The following CDH10 variants were observed in gnomAD, a reference collection of about 807,000 sequenced individuals.
CDH10 encodes cadherin 10, also known as cadherin-10.
CDH10 carries 30 observed loss-of-function variants against 73.1 expected under a neutral mutation model. The ratio of observed to expected loss-of-function variants is 0.41; its 90% CI spans 0.31 to 0.56. The LOEUF is 0.56. Ranked by LOEUF, CDH10 falls within the 20% of genes least tolerant of loss-of-function variation. CDH10 has a pLI of 0.27. For synonymous variants in CDH10, 345 were observed against 348.2 expected (o/e 0.99, Z 0.10); for missense variants, 815 against 973.7 (o/e 0.84, Z 2.17).
intron 1 of CDH10, among the ~76,000 whole-genome samples, chr5:24,605,396 A>G (rs898483934): frequency 6.6e-6 from 1 of 152,198 alleles, no homozygotes; most frequent in African/African-American, 2.4e-5. Context: ...TAGGAACTTT[A>G]TTATGAACTG....
intron 2 of CDH10, among the ~76,000 whole-genome samples, chr5:24,588,659 G>A (rs1746097841): frequency 6.6e-6 from 1 of 152,080 alleles, no homozygotes; most frequent in East Asian, 1.9e-4. Flanking sequence ...ATTATCAAAA[G>A]TAAAAGGGAC....
chr5:24,613,919 A>G (rs1356774931), intron 1 of CDH10, among the ~76,000 whole-genome samples: 1 of 152,158 alleles, frequency 6.6e-6, no homozygotes, highest in East Asian at 1.9e-4. Context: ...GCATTCATTT[A>G]AGAATGGGAC....
chr5:24,602,234 T>C (rs1746591194), intron 1 of CDH10, among the ~76,000 whole-genome samples: 1 of 152,152 alleles, frequency 6.6e-6, no homozygotes, highest in Non-Finnish European at 1.5e-5. Context: ...ACATTAGTCC[T>C]TGCACCAATT....
intron 1 of CDH10, among the ~76,000 whole-genome samples, chr5:24,638,950 T>C (rs1373185149): frequency 6.6e-6 from 1 of 151,708 alleles, no homozygotes; most frequent in East Asian, 1.9e-4. Flanking sequence ...TTATTAGCAA[T>C]AGATTTAAAC....
intron 2 of CDH10, among the ~76,000 whole-genome samples, chr5:24,555,525 G>GC (rs1744734830): frequency 6.6e-6 from 1 of 152,014 alleles, no homozygotes; most frequent in African/African-American, 2.4e-5. Flanking sequence ...AGTTTCTCTT[G>GC]CCCCCTCGTT....
At chr5:24,489,427 A>C (rs1228087150) in intron 11 of CDH10, among the ~76,000 whole-genome samples, 1 of 151,462 alleles carries the variant, frequency 6.6e-6, no homozygotes, top group Non-Finnish European at 1.5e-5. Flanking sequence ...GAACTTTTTA[A>C]AAAGTGTATT....
chr5:24,593,264 C>T lies in CDH10; in HGVS notation c.227G>A (p.Gly76Asp), dbSNP rs773181787. Residue 76 changes from glycine to aspartate, a missense_variant, in exon 2 of 12, where the codon GGC (glycine) becomes GAC (aspartate). Gly to Asp is a moderately conservative substitution (Grantham distance 94). Transcript: ENST00000264463. The stretch of plus-strand genomic sequence containing the variant: ...GCCATTTTAACACAAGCTTACCTTG[C>T]CTACGTACTGATAATCAGATCCTGT... ...EYTGSDYQYV[G>D]KLHSDQDKGD... The T allele has an allele frequency of 6.4e-7, 1 of 1,556,522 alleles. No homozygotes were observed.
At chr5:24,490,206 C>T (rs1308557219) in intron 11 of CDH10, among the ~76,000 whole-genome samples, 1 of 151,832 alleles carries the variant, frequency 6.6e-6, no homozygotes, top group African/African-American at 2.4e-5. Flanking sequence ...AAGTATAAAT[C>T]CCCCAAATAA....
At chr5:24,598,637 A>G (rs1318893680) in intron 1 of CDH10, among the ~76,000 whole-genome samples, 1 of 152,062 alleles carries the variant, frequency 6.6e-6, no homozygotes, top group Non-Finnish European at 1.5e-5. Flanking sequence ...CAATCAATAT[A>G]TCACTGTTGA....
intron 1 of CDH10, among the ~76,000 whole-genome samples, chr5:24,627,751 T>C (rs907813293): frequency 6.6e-6 from 1 of 152,120 alleles, no homozygotes; most frequent in Non-Finnish European, 1.5e-5. Context: ...TATCCTTTAT[T>C]TATTTGCTTT....
intron 8 of CDH10, among the ~76,000 whole-genome samples, chr5:24,502,175 G>A (rs12521580): frequency 0.34 from 51,738 of 151,852 alleles, 10,836 homozygotes; most frequent in Non-Finnish European, 0.47. Flanking sequence ...GCCCGCCTTG[G>A]CCTCCCAAAG....
intron 2 of CDH10, among the ~76,000 whole-genome samples, chr5:24,557,087 T>C (rs1323652128): frequency 6.6e-6 from 1 of 151,810 alleles, no homozygotes; most frequent in Non-Finnish European, 1.5e-5. Flanking sequence ...GTGTGTATTG[T>C]AGTGGTCATG....
In CDH10 at chr5:24,592,903, A is replaced by AATAT. The variant is rs10533669; in HGVS notation, c.231+353_231+356dup. Among the ~76,000 whole-genome samples the AATAT allele has an allele frequency of 3.4e-3, 504 of 148,462 alleles. 5 individuals carry two copies. The highest frequency in any genetic ancestry group is 0.011 in the African/African-American group (443 of 40,758). On this transcript the variant is annotated intron_variant, in intron 2 of 11. Transcript: ENST00000264463. ...CTCACTGAACTCAATAGCAATGTGA[A>AATAT]ATATATATATATATATATACACATA...
intron 1 of CDH10, among the ~76,000 whole-genome samples, chr5:24,632,995 A>G (rs187915947): frequency 2.6e-5 from 4 of 152,018 alleles, no homozygotes; most frequent in Non-Finnish European, 5.9e-5. Context: ...CACTATAGAT[A>G]TAGTTATACA....
chr5:24,540,512 TTC>T (rs1440820015), intron 2 of CDH10, among the ~76,000 whole-genome samples: 7 of 151,898 alleles, frequency 4.6e-5, no homozygotes, highest in Non-Finnish European at 1.5e-5. Flanking sequence ...CTGTGGGAGT[TTC>T]TGTTGGATTA....
intron 2 of CDH10, among the ~76,000 whole-genome samples, chr5:24,540,919 A>G (rs1482174950): frequency 6.6e-6 from 1 of 151,930 alleles, no homozygotes; most frequent in South Asian, 2.1e-4. Flanking sequence ...TAATGAGATT[A>G]TGTGGATAAT....
chr5:24,576,013 A>ACTT (rs1745587508), intron 2 of CDH10, among the ~76,000 whole-genome samples: 1 of 152,124 alleles, frequency 6.6e-6, no homozygotes, highest in Non-Finnish European at 1.5e-5. Context: ...TGCTGATTTG[A>ACTT]ATTAACCCAA....
At chr5:24,537,747 G>T in intron 2 of CDH10, 73 bp from the exon 3 acceptor site, 1 of 890,362 alleles carries the variant, frequency 1.1e-6, no homozygotes, top group Non-Finnish European at 1.7e-6. Context: ...TTCGCAGAAG[G>T]TCTTTCATGT....
intron 1 of CDH10, among the ~76,000 whole-genome samples, chr5:24,604,328 C>T (rs567451670): frequency 7.9e-5 from 12 of 151,906 alleles, no homozygotes; most frequent in East Asian, 3.9e-4. Flanking sequence ...GCCTGGGTGA[C>T]GAAGCAAAAT....
Sources: allele counts gnomAD v4.1 joint callset (sites outside exome capture counted in the v4.1 genomes callset), GRCh38; gene constraint gnomAD v4.1.1; transcripts MANE v1.5; gene names NCBI Gene and HGNC (gene_info 2026-07-23, HGNC 2026-07-21).